The following CFAP58 variants were observed in gnomAD, a reference collection of about 807,000 sequenced individuals.
CFAP58 encodes cilia and flagella associated protein 58.
CFAP58 carries 88 observed loss-of-function variants against 119.5 expected under a neutral mutation model. The observed-to-expected ratio is 0.74, with a 90% CI of 0.62 to 0.88. The LOEUF (loss-of-function observed/expected upper bound fraction) is 0.88, where lower values mean the gene tolerates loss of function less well. Among genes scored for constraint, CFAP58 ranks in the 40% least tolerant of loss-of-function variants. The pLI is 0.00. For synonymous variants in CFAP58, 365 were observed against 366.3 expected, an observed-to-expected ratio of 1.00 and a Z score of 0.04; for missense variants, 990 against 1,021.2, an observed-to-expected ratio of 0.97 and a Z score of 0.42.
chr10:104,370,057 T>C (rs961644912), intron 6 of CFAP58, among the ~76,000 whole-genome samples: 6 of 152,176 alleles, frequency 3.9e-5, no homozygotes, highest in Non-Finnish European at 7.3e-5. Flanking sequence ...CAACATACTT[T>C]GAGGAAGGAG....
rs1188236309 is a variant in CFAP58, at chr10:104,364,890, G to T, written c.597+1G>T. 3 of 1,611,300 alleles carry T rather than the reference G, an allele frequency of 1.9e-6. No individual in the cohort carries two copies. The highest frequency in any genetic ancestry group is 2.5e-6 in the Non-Finnish European group (3 of 1,178,820). Reference sequence around the variant, plus strand: ...GGAGGCTGAACATGCCATCAGTCAGGTCTGCCATGGAGGGCAAGAAGAAGG... The same window carrying T: ...GGAGGCTGAACATGCCATCAGTCAGTTCTGCCATGGAGGGCAAGAAGAAGG... On this transcript the variant is annotated splice_donor_variant, in intron 4 of 17. Coordinates refer to ENST00000369704, the MANE Select transcript of CFAP58 (RefSeq NM_001008723.2). LOFTEE classifies it high-confidence loss of function.
upstream of CFAP58, among the ~76,000 whole-genome samples, chr10:104,350,830 C>T (rs910574617): frequency 6.6e-6 from 1 of 152,168 alleles, no homozygotes; most frequent in African/African-American, 2.4e-5. Context: ...TTGTGCCTAC[C>T]ATGCAGTACG....
intron 15 of CFAP58, among the ~76,000 whole-genome samples, chr10:104,425,468 C>T (rs930274919): frequency 6.6e-6 from 1 of 152,192 alleles, no homozygotes; most frequent in Non-Finnish European, 1.5e-5. Context: ...CAACTATGCA[C>T]TCTAACAGTG....
At chr10:104,379,947 T>C in intron 8 of CFAP58, 82 bp from the exon 9 acceptor site, 3 of 1,090,882 alleles carry the variant, frequency 2.8e-6, no homozygotes, top group Non-Finnish European at 4.0e-6. Flanking sequence ...CTAATTATGT[T>C]AGAGATGAGG....
chr10:104,357,078 G>T (rs2014552623), intron 1 of CFAP58, among the ~76,000 whole-genome samples: 1 of 152,210 alleles, frequency 6.6e-6, no homozygotes, highest in Non-Finnish European at 1.5e-5. Context: ...AAATGACTCT[G>T]TTCCAAATAA....
the CFAP58 span, among the ~76,000 whole-genome samples, chr10:104,346,799 C>T: frequency 6.6e-6 from 1 of 151,726 alleles, no homozygotes; most frequent in African/African-American, 2.4e-5. Flanking sequence ...CCACATCTGG[C>T]TAATTTTTGT....
chr10:104,383,768 A>ACG (rs1554917580), intron 9 of CFAP58, among the ~76,000 whole-genome samples: 3 of 151,718 alleles, frequency 2.0e-5, no homozygotes, highest in African/African-American at 4.9e-5. Context: ...ACACACACAC[A>ACG]CACACACACA....
chr10:104,367,849 G>A (rs565362587), intron 5 of CFAP58, among the ~76,000 whole-genome samples: 50 of 152,276 alleles, frequency 3.3e-4, no homozygotes, highest in South Asian at 6.2e-4. Context: ...GATAGTCAAG[G>A]CAGGGAAGAG....
chr10:104,388,637 A>C (rs2011972510), intron 9 of CFAP58, among the ~76,000 whole-genome samples: 1 of 152,210 alleles, frequency 6.6e-6, no homozygotes, highest in Non-Finnish European at 1.5e-5. Context: ...AAGTCAGAAA[A>C]ACTTATTGGA....
At chr10:104,357,870 CATATATGT>C (rs2014578614) in intron 1 of CFAP58, among the ~76,000 whole-genome samples, 1 of 124,516 alleles carries the variant, frequency 8.0e-6, no homozygotes, top group Non-Finnish European at 1.7e-5. Flanking sequence ...CATATATACA[CATATATGT>C]ACACATATAT....
chr10:104,358,418 A>G lies in CFAP58; in HGVS notation c.87A>G (p.Glu29=). 1 of 1,614,088 alleles carries G rather than the reference A, an allele frequency of 6.2e-7. No individual in the cohort carries two copies. Among genetic ancestry groups the G allele is most frequent in the Non-Finnish European group, 8.5e-7 (1 of 1,180,010 alleles). Residue 29 remains glutamate (E), a synonymous_variant, in exon 2 of 18, where the codon GAA becomes GAG. Transcript: ENST00000369704. ...MERDFQGVLH[E]LSGDKSLEKF... ...GAGATTTTCAGGGAGTTCTCCATGAACTTTCTGGAGACAAAAGTTTGGAAA... is the reference window on the plus strand; with the variant it reads ...GAGATTTTCAGGGAGTTCTCCATGAGCTTTCTGGAGACAAAAGTTTGGAAA...
At chr10:104,453,152 A>G (rs2013221363) in intron 17 of CFAP58, among the ~76,000 whole-genome samples, 1 of 152,152 alleles carries the variant, frequency 6.6e-6, no homozygotes, top group African/African-American at 2.4e-5. Context: ...ATTTAAGGTG[A>G]GAGAGGGCAG....
chr10:104,347,256 T>C, the CFAP58 span, among the ~76,000 whole-genome samples: 3 of 152,078 alleles, frequency 2.0e-5, no homozygotes, highest in Non-Finnish European at 4.4e-5. Context: ...TCCTAATAAA[T>C]CTGCCTGAGC....
In CFAP58 at chr10:104,370,984, C is replaced by T. The variant is rs755863558; in HGVS notation, c.1020C>T (p.Thr340=). The T allele has an allele frequency of 1.1e-5, 18 of 1,613,256 alleles. No individual in the cohort carries two copies. The highest frequency in any genetic ancestry group is 2.2e-5 in the South Asian group (2 of 91,026). ...REQIHKKLHH[T]EDQKAEVEQH... is the part of the protein sequence containing the mutation. ...AAATTCATAAGAAATTGCACCACAC[C>T]GAAGATCAAAAGGCAGAAGTCGAAC... Residue 340 remains threonine (T), a synonymous_variant, in exon 7 of 18, where the codon ACC becomes ACT. Coordinates refer to ENST00000369704, the MANE Select transcript of CFAP58 (RefSeq NM_001008723.2).
intron 15 of CFAP58, among the ~76,000 whole-genome samples, chr10:104,413,313 T>C (rs1158864039): frequency 1.3e-5 from 2 of 152,216 alleles, no homozygotes; most frequent in East Asian, 3.8e-4. Context: ...GTGTCCTTTT[T>C]GTTTGTGGAG....
intron 15 of CFAP58, among the ~76,000 whole-genome samples, chr10:104,408,509 T>G (rs2012402308): frequency 6.6e-6 from 1 of 152,194 alleles, no homozygotes; most frequent in Non-Finnish European, 1.5e-5. Context: ...GCTGGTTAAG[T>G]GCTAGGGTGG....
At chr10:104,398,509 T>C (rs913324393) in intron 11 of CFAP58, among the ~76,000 whole-genome samples, 4 of 152,216 alleles carry the variant, frequency 2.6e-5, no homozygotes, top group Admixed American at 2.6e-4. Flanking sequence ...GAAATGAACA[T>C]GCACTTTGAT....
At chr10:104,409,667 T>G (rs1367322907) in intron 15 of CFAP58, among the ~76,000 whole-genome samples, 1 of 152,208 alleles carries the variant, frequency 6.6e-6, no homozygotes, top group Non-Finnish European at 1.5e-5. Flanking sequence ...GATTATAATT[T>G]TTATTTCTTC....
intron 15 of CFAP58, among the ~76,000 whole-genome samples, chr10:104,440,024 G>A (rs1032350597): frequency 7.2e-5 from 11 of 152,086 alleles, no homozygotes; most frequent in Admixed American, 6.5e-4. Context: ...GGGTTTCACC[G>A]TGTTAGCCAG....
Sources: gnomAD v4.1 joint callset for allele counts (sites outside exome capture counted in the v4.1 genomes callset) on GRCh38, gnomAD v4.1.1 for gene constraint, MANE v1.5 for transcripts, NCBI Gene and HGNC (gene_info 2026-07-23, HGNC 2026-07-21) for gene names.